The following HINT3 variants were observed in gnomAD, a reference collection of about 807,000 sequenced individuals.
HINT3 encodes the protein histidine triad nucleotide binding protein 3, also known as adenosine 5'-monophosphoramidase HINT3.
A neutral mutation model predicts 19.1 loss-of-function variants in HINT3; 16 were observed. That is an observed-to-expected ratio of 0.84 (90% confidence interval 0.57 to 1.27). The LOEUF (loss-of-function observed/expected upper bound fraction) is 1.27, where lower values mean the gene tolerates loss of function less well. Among genes scored for constraint, HINT3 ranks in the 50% most tolerant of loss-of-function variants. HINT3 has a pLI of 0.00. For missense variants in HINT3, 197 were observed against 225.8 expected (o/e 0.87, Z 0.82); for synonymous variants, 75 against 84.8 (o/e 0.88, Z 0.63).
chr6:125,963,998 T>C (rs1788981409), intron 1 of HINT3, among the ~76,000 whole-genome samples: 2 of 152,204 alleles, frequency 1.3e-5, no homozygotes, highest in Admixed American at 6.5e-5. Context: ...ATGAAGCATC[T>C]GTCATTTATT....
At position 125,966,962 on chromosome 6, in the gene HINT3, A is replaced by C. The variant is rs554638960; in HGVS notation, c.277A>C (p.Ile93Leu). ...HHYLVVPKKH[I>L]GNCRTLRKDQ... ...TTATCTTGTGGTGCCAAAGAAGCAT[A>C]TTGGAAACTGCAGAACTCTAAGGAA... is the stretch of plus-strand genomic sequence containing the variant. Residue 93 changes from isoleucine to leucine, a missense_variant, in exon 2 of 5, where the codon ATT becomes CTT. Transcript: ENST00000229633. The C allele has an allele frequency of 6.2e-7, 1 of 1,613,058 alleles. No individual in the cohort carries two copies. Among genetic ancestry groups the C allele is most frequent in the Non-Finnish European group, 8.5e-7 (1 of 1,179,400 alleles).
chr6:125,962,249 TACACAC>T lies in HINT3; in HGVS notation c.202-4636_202-4631del, dbSNP rs374943908. Among the ~76,000 whole-genome samples, 46 of 20,482 alleles carry T rather than the reference TACACAC, an allele frequency of 2.2e-3. 2 individuals are homozygous for T. The highest frequency in any genetic ancestry group is 0.022 in the Middle Eastern group (1 of 46). The allele number at this position is 20,482 out of a possible 152,430, so 13.4% of individuals were successfully genotyped here. ...ATATATATATACACATATATATATATACACACATATATATATATATACATACATATA... is the reference window on the plus strand; with the variant it reads ...ATATATATATACACATATATATATATATATATATATATATACATACATATA... On this transcript the variant is annotated intron_variant, in intron 1 of 4. Transcript: ENST00000229633.
intron 2 of HINT3, among the ~76,000 whole-genome samples, chr6:125,971,876 A>AT (rs1254435150): frequency 1.3e-5 from 2 of 151,046 alleles, no homozygotes; most frequent in Admixed American, 1.3e-4. Flanking sequence ...CGCCCGGCTA[A>AT]TTTTTTTTGT....
In HINT3 at chr6:125,968,713, G is replaced by T. The variant is rs533954979; in HGVS notation, c.319+1709G>T. 2.0e-5 allele frequency among the ~76,000 whole-genome samples: 3 copies of T among 152,154 alleles called. No homozygotes were observed. The East Asian group carries it at 5.8e-4, about 29-fold the overall frequency. On this transcript the variant is annotated intron_variant, in intron 2 of 4. Coordinates refer to ENST00000229633, the MANE Select transcript of HINT3 (RefSeq NM_138571.5). ...TTTTTAAAAATAGCCATTCTGATTG[G>T]TGTTGAAATAGTATCTTATTGTGGG...
chr6:125,957,682 A>G (rs1282538591), intron 1 of HINT3, among the ~76,000 whole-genome samples: 2 of 152,214 alleles, frequency 1.3e-5, no homozygotes, highest in Non-Finnish European at 2.9e-5. Flanking sequence ...AATAGGCTGG[A>G]GGGAGTGGGT....
At chr6:125,958,711 G>A (rs907457982) in intron 1 of HINT3, among the ~76,000 whole-genome samples, 12 of 152,178 alleles carry the variant, frequency 7.9e-5, no homozygotes, top group African/African-American at 2.9e-4. Flanking sequence ...AATGTATTGA[G>A]ATACTTTTGA....
intron 4 of HINT3, among the ~76,000 whole-genome samples, chr6:125,976,316 TAGG>T (rs1789177931): frequency 6.6e-6 from 1 of 151,974 alleles, no homozygotes; most frequent in Non-Finnish European, 1.5e-5. Context: ...GAGGCTGAGA[TAGG>T]AGGATCGCTT....
In HINT3 at chr6:125,962,159, T is replaced by TACACATATATATATATATATATATAC. The variant is rs1562211917; in HGVS notation, c.202-4703_202-4702insCACACATATATATATATATATATATA. Among the ~76,000 whole-genome samples the TACACATATATATATATATATATATAC allele has an allele frequency of 1.5e-4, 8 of 54,308 alleles. 1 individual carries two copies. The highest frequency in any genetic ancestry group is 2.4e-4 in the Non-Finnish European group (8 of 33,602). 35.6% of individuals were successfully genotyped at this position (54,308 alleles called of 152,430 possible). ...TCGTGGATGGAAACCCATATATATA[T>TACACATATATATATATATATATATAC]ACACATATATATATATATATATATA... On this transcript the variant is annotated intron_variant, in intron 1 of 4. Coordinates refer to ENST00000229633, the MANE Select transcript of HINT3 (RefSeq NM_138571.5).
intron 2 of HINT3, among the ~76,000 whole-genome samples, chr6:125,971,309 C>T (rs1789093726): frequency 6.6e-6 from 1 of 152,192 alleles, no homozygotes; most frequent in Admixed American, 6.5e-5. Flanking sequence ...TCAAAGTTTT[C>T]TTGTCTTATT....
At chr6:125,975,445 C>T (rs1359881870) in intron 4 of HINT3, among the ~76,000 whole-genome samples, 1 of 152,162 alleles carries the variant, frequency 6.6e-6, no homozygotes, top group African/African-American at 2.4e-5. Flanking sequence ...TAGTAAGTGT[C>T]AGGAAATGTT....
At chr6:125,975,721 G>A (rs1359407150) in intron 4 of HINT3, among the ~76,000 whole-genome samples, 1 of 151,954 alleles carries the variant, frequency 6.6e-6, no homozygotes, top group African/African-American at 2.4e-5. Flanking sequence ...GGGACTACAG[G>A]TGCATGCCAC....
rs1014184685 is a variant in HINT3 at position 125,956,857 on chromosome 6, G to T, written c.-121G>T. On this transcript the variant is annotated 5_prime_UTR_variant, in exon 1 of 5. Coordinates refer to ENST00000229633, the MANE Select transcript of HINT3 (RefSeq NM_138571.5). ...CCCTCTCCCCAAAGCCTGGATCACC[G>T]CCCAGCGTCAGGCGAGGGGCGACGT... 27 of 1,042,126 alleles carry T rather than the reference G, an allele frequency of 2.6e-5. No homozygotes were observed. Among genetic ancestry groups the T allele is most frequent in the African/African-American group, 2.4e-4 (15 of 62,704 alleles). 64.6% of individuals were successfully genotyped at this position (1,042,126 alleles called of 1,614,324 possible).
chr6:125,962,189 CATATATATATATATATAT>C (rs371993982), intron 1 of HINT3, among the ~76,000 whole-genome samples: 1 of 64,328 alleles, frequency 1.6e-5, no homozygotes, highest in African/African-American at 1.1e-4. Flanking sequence ...TATATATACA[CATATATATATATATATAT>C]ATACACATAT....
intron 2 of HINT3, among the ~76,000 whole-genome samples, chr6:125,971,557 G>A (rs1193555124): frequency 6.6e-6 from 1 of 151,922 alleles, no homozygotes; most frequent in Non-Finnish European, 1.5e-5. Flanking sequence ...ATTTTTGAGA[G>A]AGGGTCTCAC....
rs1583589612 is a variant in HINT3, at chr6:125,966,350, T to TTTG, written c.202-535_202-534insGTT. The stretch of plus-strand genomic sequence containing the variant: ...GAATTTGTTTCAGCATTTCAGTCTT[T>TTTG]TTAATACTGTAAAGTGGCAAGTAAA... On this transcript the variant is annotated intron_variant, in intron 1 of 4. Coordinates refer to ENST00000229633, the MANE Select transcript of HINT3 (RefSeq NM_138571.5). 2.6e-5 allele frequency among the ~76,000 whole-genome samples: 4 copies of TTTG among 152,244 alleles called. No homozygotes were observed. In the East Asian group the frequency reaches 5.8e-4, roughly 22 times the overall value.
intron 2 of HINT3, among the ~76,000 whole-genome samples, chr6:125,967,311 A>G (rs958924773): frequency 2.0e-5 from 3 of 149,966 alleles, no homozygotes; most frequent in Non-Finnish European, 4.4e-5. Context: ...TCCAAAAGAT[A>G]ATATATTTTT....
At chr6:125,973,090 T>G (rs1789131398) in intron 3 of HINT3, among the ~76,000 whole-genome samples, 1 of 137,668 alleles carries the variant, frequency 7.3e-6, no homozygotes, top group South Asian at 2.4e-4. Flanking sequence ...TTTTTTTTTT[T>G]TTTGAGACGG....
At chr6:125,975,175 G>A (rs1223615613) in intron 4 of HINT3, among the ~76,000 whole-genome samples, 1 of 152,120 alleles carries the variant, frequency 6.6e-6, no homozygotes, top group East Asian at 1.9e-4. Context: ...AGAAGCTATG[G>A]CTAAATCTTC....
At chr6:125,964,101 C>A (rs1367163029) in intron 1 of HINT3, among the ~76,000 whole-genome samples, 1 of 152,280 alleles carries the variant, frequency 6.6e-6, no homozygotes, top group African/African-American at 2.4e-5. Context: ...CCCTGTGATC[C>A]AAATTCAGTG....
Sources: gnomAD v4.1 joint callset for allele counts (sites outside exome capture counted in the v4.1 genomes callset) on GRCh38, gnomAD v4.1.1 for gene constraint, MANE v1.5 for transcripts, NCBI Gene and HGNC (gene_info 2026-07-23, HGNC 2026-07-21) for gene names.